ATAD3A: variants seen among roughly 807,000 people sequenced by gnomAD.
The protein encoded by ATAD3A is ATPase family AAA domain containing 3A.
In ATAD3A, 46 loss-of-function variants were observed where a neutral mutation model predicts 73.8. That is an observed-to-expected ratio of 0.62 (90% CI 0.49 to 0.80). The LOEUF is 0.80. ATAD3A is among the 30% of genes least tolerant of loss of function. The pLI, the probability that ATAD3A is intolerant of heterozygous loss-of-function variation, is 0.00. For synonymous variants in ATAD3A, 319 were observed against 350.0 expected (o/e 0.91, Z 0.99); for missense variants, 705 against 838.0 (o/e 0.84, Z 1.96).
chr1:1,529,357 C>T (rs1488114827), intron 15 of ATAD3A, 26 bp downstream of exon 15: 4 of 1,533,432 alleles, frequency 2.6e-6, no homozygotes, highest in Non-Finnish European at 2.6e-6. Context: ...GCACGTCCAC[C>T]CAGACGGGAC....
In ATAD3A at chr1:1,523,482, C is replaced by A. The variant is rs372543633; in HGVS notation, c.907-29C>A. The stretch of plus-strand genomic sequence containing the variant: ...TGTTCCGTGGCTGTGGCAGGTGACC[C>A]GATGGCGCTTCCCCTTCCCCTCCGG... On this transcript the variant is annotated intron_variant, in intron 8 of 15. Transcript: ENST00000378756. The surrounding 1 kb of genome is among the most constrained non-coding windows in gnomAD (Gnocchi z 5.1). The A allele has an allele frequency of 2.5e-6, 4 of 1,606,530 alleles. No homozygotes were observed. The highest frequency in any genetic ancestry group is 3.4e-6 in the Non-Finnish European group (4 of 1,177,100).
chr1:1,530,176 T>C (rs1641987696), intron 15 of ATAD3A, among the ~76,000 whole-genome samples: 1 of 152,212 alleles, frequency 6.6e-6, no homozygotes, highest in African/African-American at 2.4e-5. Flanking sequence ...AACCCCGTCC[T>C]TGTGGGTCAG....
intron 10 of ATAD3A, 95 bp from the exon 11 acceptor site, chr1:1,524,178 C>A (rs1227049001): frequency 1.3e-6 from 2 of 1,590,256 alleles, no homozygotes; most frequent in Non-Finnish European, 1.7e-6. Context: ...CAGGCAGGGA[C>A]GCTGGGCAGA....
At position 1,523,996 on chromosome 1, in the gene ATAD3A, G is replaced by A. The variant is rs376826368; in HGVS notation, c.1089+32G>A. ...GCGCCTGGCTGAACAGGTGGGCCAG[G>A]GGCCGCTGGGGTCTCACCTGCCTGC... On this transcript the variant is annotated intron_variant, in intron 10 of 15. Transcript: ENST00000378756. This position sits in a 1 kb window ranked among gnomAD's most constrained non-coding sequence, Gnocchi z 5.1. 1.2e-4 allele frequency: 199 copies of A among 1,613,330 alleles called. No homozygotes were observed. The African/African-American group carries it at 2.3e-3, about 19-fold the overall frequency.
intron 4 of ATAD3A, among the ~76,000 whole-genome samples, 171 bp downstream of exon 4, chr1:1,517,946 C>G (rs1641417769): frequency 6.6e-6 from 1 of 151,956 alleles, no homozygotes; most frequent in South Asian, 2.1e-4. Context: ...CGTGTACAGG[C>G]ACACATGCAG....
At position 1,520,716 on chromosome 1, in the gene ATAD3A, C is replaced by G; in HGVS notation, c.750+99C>G. On this transcript the variant is annotated intron_variant, in intron 7 of 15. Transcript: ENST00000378756. The surrounding 1 kb of genome is among the most constrained non-coding windows in gnomAD (Gnocchi z 4.0). ...CCTGTCCCTGCCGGCTCTGCACAGC[C>G]CTGTAGCTCTCCCAGCAGGGAGGAA... is the stretch of plus-strand genomic sequence containing the variant. 1.3e-6 allele frequency: 2 copies of G among 1,565,080 alleles called. No homozygotes were observed. The highest frequency in any genetic ancestry group is 1.7e-6 in the Non-Finnish European group (2 of 1,144,222).
intron 4 of ATAD3A, 86 bp from the exon 5 acceptor site, chr1:1,518,835 C>T (rs1356776069): frequency 6.5e-5 from 105 of 1,606,260 alleles, no homozygotes; most frequent in Non-Finnish European, 8.2e-5. Flanking sequence ...CACCCCCCTG[C>T]ACACTCGGGC....
At chr1:1,514,736 T>G (rs1474703497) in intron 1 of ATAD3A, among the ~76,000 whole-genome samples, 2 of 152,098 alleles carry the variant, frequency 1.3e-5, no homozygotes, top group African/African-American at 2.4e-5. Flanking sequence ...GTTAGTGACG[T>G]GTTTGCTGCA....
chr1:1,520,719 G>A lies in ATAD3A; in HGVS notation c.750+102G>A. ...GTCCCTGCCGGCTCTGCACAGCCCT[G>A]TAGCTCTCCCAGCAGGGAGGAAGCC... is the stretch of plus-strand genomic sequence containing the variant. On this transcript the variant is annotated intron_variant, in intron 7 of 15. Transcript: ENST00000378756. The surrounding 1 kb of genome is among the most constrained non-coding windows in gnomAD (Gnocchi z 4.0). 4 of 1,562,102 alleles carry A rather than the reference G, an allele frequency of 2.6e-6. No individual in the cohort carries two copies. The highest frequency in any genetic ancestry group is 2.6e-6 in the Non-Finnish European group (3 of 1,142,258).
rs1298817562 is a variant in ATAD3A at position 1,527,719 on chromosome 1, C to T, written c.1362C>T (p.Asn454=). The change falls in exon 14 of 16, where the codon AAC becomes AAT. Residue 454 remains asparagine, a synonymous_variant. Coordinates refer to ENST00000378756, the MANE Select transcript of ATAD3A (RefSeq NM_001170535.3). The part of the protein sequence containing the change: ...SNKFMLVLAS[N]QPEQFDWAIN... ...GGTTCATGCTGGTCCTGGCCAGCAA[C>T]CAACCAGAGCAGTTCGACTGGGCCA... 4 of 1,612,784 alleles carry T rather than the reference C, an allele frequency of 2.5e-6. No individual in the cohort carries two copies. The African/African-American group carries it at 5.3e-5, about 22-fold the overall frequency.
intron 2 of ATAD3A, among the ~76,000 whole-genome samples, chr1:1,516,740 CAG>C (rs944971049): frequency 1.3e-5 from 2 of 151,596 alleles, no homozygotes; most frequent in Non-Finnish European, 2.9e-5. Context: ...TTTTTATAGA[CAG>C]AGTCTTAGTC....
At chr1:1,525,324 G>A (rs766729444) in intron 12 of ATAD3A, 33 bp downstream of exon 12, 30 of 1,613,302 alleles carry the variant, frequency 1.9e-5, no homozygotes, top group Non-Finnish European at 1.9e-5. Context: ...CCACAATGGG[G>A]TGGTGGGGTG....
At chr1:1,525,176 G>C in intron 11 of ATAD3A, 64 bp from the exon 12 acceptor site, 1 of 1,608,152 alleles carries the variant, frequency 6.2e-7, no homozygotes, top group Non-Finnish European at 8.5e-7. Flanking sequence ...TGCCGCGGCC[G>C]GACGCTGCTG....
At chr1:1,529,154 C>G (rs553572858) in intron 14 of ATAD3A, 69 bp from the exon 15 acceptor site, 38 of 1,583,184 alleles carry the variant, frequency 2.4e-5, no homozygotes, top group Non-Finnish European at 3.2e-5. Context: ...CGCTGCCTGT[C>G]TTCCGGCCTC....
chr1:1,528,348 G>GAT (rs1000123352), intron 14 of ATAD3A, among the ~76,000 whole-genome samples: 2 of 152,350 alleles, frequency 1.3e-5, no homozygotes, highest in African/African-American at 4.8e-5. Flanking sequence ...GAGGGGAGGT[G>GAT]ATACGGAGTG....
At chr1:1,533,166 A>G (rs532133292) in intron 15 of ATAD3A, among the ~76,000 whole-genome samples, 3 of 152,012 alleles carry the variant, frequency 2.0e-5, no homozygotes, top group African/African-American at 7.3e-5. Context: ...CGAGGGACCC[A>G]CTCAGCTGTC....
chr1:1,520,579 C>T lies in ATAD3A; in HGVS notation c.712C>T (p.Arg238Cys), dbSNP rs368185567. 6.1e-5 allele frequency: 98 copies of T among 1,613,736 alleles called. No individual in the cohort carries two copies. The highest frequency in any genetic ancestry group is 9.3e-5 in the African/African-American group (7 of 74,944). Residue 238 changes from arginine to cysteine, a missense_variant, in exon 7 of 16, where the codon CGT becomes TGT. Arg to Cys is a radical substitution (Grantham distance 180). This residue lies in a region of ATAD3A where 315 missense variants were observed against 334.1 expected (regional missense o/e 0.94). Transcript: ENST00000378756. This position sits in a 1 kb window ranked among gnomAD's most constrained non-coding sequence, Gnocchi z 4.0. ...TAGTLFGEGF[R>C]AFVTDWDKVT... ...TGGCACCTTGTTTGGGGAAGGATTCCGTGCCTTTGTGACAGACTGGGACAA... is the reference window on the plus strand; with the variant it reads ...TGGCACCTTGTTTGGGGAAGGATTCTGTGCCTTTGTGACAGACTGGGACAA...
rs1642004710 is a variant in ATAD3A at position 1,530,760 on chromosome 1, C to T, written c.1614+1429C>T. ...AGGAGAATGGCATGAACCCGGGAGG[C>T]GGAGCTTGCAGTGAGCCGAGATCCC... On this transcript the variant is annotated intron_variant, in intron 15 of 15. Coordinates refer to ENST00000378756, the MANE Select transcript of ATAD3A (RefSeq NM_001170535.3). Among the ~76,000 whole-genome samples, 7 of 87,478 alleles carry T rather than the reference C, an allele frequency of 8.0e-5. No homozygotes were observed. The South Asian group carries it at 1.4e-3, about 18-fold the overall frequency. The allele number at this position is 87,478 out of a possible 152,430, so 57.4% of individuals were successfully genotyped here.
At chr1:1,526,598 C>T (rs1369866979) in intron 13 of ATAD3A, 67 bp downstream of exon 13, 35 of 1,609,406 alleles carry the variant, frequency 2.2e-5, no homozygotes, top group African/African-American at 5.3e-5. Context: ...TGGTTCCCAC[C>T]GAGGGACCTG....
Sources: allele counts gnomAD v4.1 joint callset (sites outside exome capture counted in the v4.1 genomes callset), GRCh38; gene constraint gnomAD v4.1.1; regional missense constraint gnomAD v4.1.1; non-coding constraint Gnocchi (gnomAD v3.1); transcripts MANE v1.5; gene names NCBI Gene and HGNC (gene_info 2026-07-23, HGNC 2026-07-21).